TBXAS1: variants seen among roughly 807,000 people sequenced by gnomAD.
TBXAS1 encodes thromboxane A synthase 1.
In TBXAS1, 48 loss-of-function variants were observed where a neutral mutation model predicts 60.7. That is an observed-to-expected ratio of 0.79 (90% CI 0.63 to 1.01). The LOEUF (loss-of-function observed/expected upper bound fraction) is 1.01. Among genes scored for constraint, TBXAS1 ranks in the 50% least tolerant of loss-of-function variants. The pLI is 0.00. For missense variants in TBXAS1, 685 were observed against 686.3 expected, an observed-to-expected ratio of 1.00 and a Z score of 0.02; for synonymous variants, 287 against 269.7, an observed-to-expected ratio of 1.06 and a Z score of -0.63.
At chr7:140,017,475 T>C (rs767839337) in intron 11 of TBXAS1, among the ~76,000 whole-genome samples, 196 bp from the exon 12 acceptor site, 1 of 152,186 alleles carries the variant, frequency 6.6e-6, no homozygotes, top group African/African-American at 2.4e-5. Context: ...CGAATTCAGC[T>C]CTGCCTCTGG....
At chr7:139,984,614 A>AAGAGAGAG (rs748137753) in intron 9 of TBXAS1, among the ~76,000 whole-genome samples, 658 of 65,604 alleles carry the variant, frequency 0.01, 26 homozygotes, top group African/African-American at 0.032. Flanking sequence ...ATAAGAAAGA[A>AAGAGAGAG]AGAGAGAGAG....
chr7:139,958,000 G>A (rs1466355526), intron 8 of TBXAS1, among the ~76,000 whole-genome samples: 2 of 152,078 alleles, frequency 1.3e-5, no homozygotes, highest in Non-Finnish European at 2.9e-5. Context: ...GTACATCCTC[G>A]GACACGGACG....
intron 7 of TBXAS1, 56 bp from the exon 8 acceptor site, chr7:139,957,578 G>A (rs1569519342): frequency 1.2e-6 from 2 of 1,612,314 alleles, no homozygotes; most frequent in African/African-American, 1.3e-5. Flanking sequence ...GGCGTCTAAT[G>A]GCCCTGGTTT....
At chr7:139,870,745 C>T (rs1278703716) in intron 1 of TBXAS1, among the ~76,000 whole-genome samples, 1 of 152,238 alleles carries the variant, frequency 6.6e-6, no homozygotes, top group Non-Finnish European at 1.5e-5. Context: ...GGATAGAGGA[C>T]ATCCTGCCTT....
intron 9 of TBXAS1, among the ~76,000 whole-genome samples, chr7:139,990,315 G>T (rs940508029): frequency 2.0e-5 from 3 of 152,218 alleles, no homozygotes; most frequent in Admixed American, 6.5e-5. Flanking sequence ...TCGCCCCAGC[G>T]CAGCATTCCT....
rs755258646 is a variant in TBXAS1 at position 139,805,660 on chromosome 7, C to CTCTTTCTTTCTT, written c.-80+18278_-80+18289dup. Among the ~76,000 whole-genome samples, 133 of 101,468 alleles carry CTCTTTCTTTCTT rather than the reference C, an allele frequency of 1.3e-3. 1 individual carries two copies. The highest frequency in any genetic ancestry group is 4.6e-3 in the Middle Eastern group (1 of 218). 66.6% of individuals were successfully genotyped at this position (101,468 alleles called of 152,430 possible). ...CTCCCTCCCTCCCTCCCTTCTTTTT[C>CTCTTTCTTTCTT]TCTTTCTTTCTTTCTTTCTTTCTTT... On this transcript the variant is annotated intron_variant, in intron 4 of 16. Coordinates refer to the TBXAS1 transcript ENST00000336425.
chr7:139,950,653 A>AGGACTCCCTCACCCTCCATCTACG (rs1477735819), intron 5 of TBXAS1, among the ~76,000 whole-genome samples: 185 of 150,326 alleles, frequency 1.2e-3, no homozygotes, highest in East Asian at 2.2e-3. Flanking sequence ...TTTGATCTAC[A>AGGACTCCCTCACCCTCCATCTACG]GGACTCCCTC....
chr7:139,953,859 G>A (rs900091972), intron 6 of TBXAS1, among the ~76,000 whole-genome samples: 1 of 152,144 alleles, frequency 6.6e-6, no homozygotes, highest in African/African-American at 2.4e-5. Flanking sequence ...CTGGCTTTTC[G>A]TCATTTTGTA....
chr7:139,884,161 G>A (rs73158658), intron 3 of TBXAS1, among the ~76,000 whole-genome samples: 5,416 of 152,308 alleles, frequency 0.036, 151 homozygotes, highest in Middle Eastern at 0.085. Flanking sequence ...AGCTGAAACC[G>A]AACTCCAGTG....
At chr7:139,911,500 AAG>A (rs1306226916) in intron 4 of TBXAS1, among the ~76,000 whole-genome samples, 179 bp downstream of exon 4, 1 of 152,206 alleles carries the variant, frequency 6.6e-6, no homozygotes, top group Non-Finnish European at 1.5e-5. Context: ...ACTGGTACAA[AAG>A]AGTAACATTT....
rs75002686 is a variant in TBXAS1 at position 139,883,725 on chromosome 7, G to A, written c.236+8088G>A. 5.1e-3 allele frequency among the ~76,000 whole-genome samples: 782 copies of A among 152,146 alleles called. 8 individuals are homozygous for A. Among genetic ancestry groups the A allele is most frequent in the African/African-American group, 0.018 (731 of 41,496 alleles). On this transcript the variant is annotated intron_variant, in intron 3 of 12. Coordinates refer to ENST00000448866, the MANE Select transcript of TBXAS1 (RefSeq NM_001061.7). ...TAAAATGTGGGATTTGGACTAGGTC[G>A]GTGATTTTGACACTGTTTAATCATG... is the stretch of plus-strand genomic sequence containing the variant.
intron 9 of TBXAS1, among the ~76,000 whole-genome samples, chr7:139,984,767 GGAAAGAAA>G (rs148148265): frequency 1.1e-5 from 1 of 93,110 alleles, no homozygotes; most frequent in South Asian, 4.8e-4. Flanking sequence ...AAAGAAAGCA[GGAAAGAAA>G]GAAAGAAAAG....
intron 4 of TBXAS1, chr7:139,913,280 G>T: frequency 1.6e-6 from 1 of 617,814 alleles, no homozygotes; most frequent in South Asian, 1.8e-5. Flanking sequence ...TCAAGAAACT[G>T]ATTCTGATTA....
intron 5 of TBXAS1, among the ~76,000 whole-genome samples, chr7:139,953,163 G>A (rs1809548168): frequency 6.6e-6 from 1 of 152,158 alleles, no homozygotes; most frequent in African/African-American, 2.4e-5. Context: ...AAATGCTTAA[G>A]CTAAAATAGA....
At chr7:139,829,549 G>A in intron 1 of TBXAS1, 70 bp downstream of exon 1, 1 of 1,425,182 alleles carries the variant, frequency 7.0e-7, no homozygotes, top group Non-Finnish European at 9.8e-7. Flanking sequence ...CTGGTGCCAT[G>A]GCGGGGTATG....
chr7:139,803,052 A>C (rs574821523), intron 4 of TBXAS1, among the ~76,000 whole-genome samples: 93 of 152,372 alleles, frequency 6.1e-4, no homozygotes, highest in African/African-American at 2.2e-3. Context: ...AAAGTGGGGT[A>C]CTGCTGTAAA....
chr7:139,792,434 CTACT>C (rs1797417497), intron 4 of TBXAS1, among the ~76,000 whole-genome samples: 1 of 152,194 alleles, frequency 6.6e-6, no homozygotes, highest in East Asian at 1.9e-4. Flanking sequence ...TATCACCTAC[CTACT>C]TGTCTTTATT....
intron 1 of TBXAS1, among the ~76,000 whole-genome samples, chr7:139,834,857 C>T (rs899830538): frequency 3.9e-5 from 6 of 151,924 alleles, no homozygotes. Context: ...AGTCCAGGAC[C>T]ATAAGGATTC....
intron 7 of TBXAS1, 67 bp from the exon 8 acceptor site, chr7:139,957,567 A>G (rs556934524): frequency 6.2e-7 from 1 of 1,610,074 alleles, no homozygotes; most frequent in East Asian, 2.2e-5. Flanking sequence ...TCCCGGGAAC[A>G]GGCGTCTAAT....
Sources: gnomAD v4.1 joint callset for allele counts (sites outside exome capture counted in the v4.1 genomes callset) on GRCh38, gnomAD v4.1.1 for gene constraint, MANE v1.5 for transcripts, NCBI Gene and HGNC (gene_info 2026-07-23, HGNC 2026-07-21) for gene names.